The following ERBB4 variants were observed in gnomAD, a reference collection of about 807,000 sequenced individuals.
The protein encoded by ERBB4 is erb-b2 receptor tyrosine kinase 4, also known as receptor tyrosine-protein kinase erbB-4.
Under a neutral mutation model 158.0 loss-of-function variants are expected in ERBB4, and 42 were observed. The observed-to-expected ratio is 0.27, with a 90% confidence interval of 0.21 to 0.34. The LOEUF (loss-of-function observed/expected upper bound fraction) is 0.34. Ranked by LOEUF, ERBB4 falls within the 10% of genes least tolerant of loss-of-function variation. The pLI is 1.00. For missense variants in ERBB4, 1,333 were observed against 1,624.1 expected, an observed-to-expected ratio of 0.82 and a Z score of 3.08; for synonymous variants, 583 against 558.7, an observed-to-expected ratio of 1.04 and a Z score of -0.61.
intron 1 of ERBB4, among the ~76,000 whole-genome samples, chr2:212,395,614 C>CTTT (rs760604732): frequency 1.5e-3 from 125 of 84,722 alleles, no homozygotes; most frequent in East Asian, 3.2e-3. Flanking sequence ...CAGTTACACT[C>CTTT]TTTTTTTTTT....
chr2:211,627,924 C>T (rs957683501), intron 17 of ERBB4, among the ~76,000 whole-genome samples: 1 of 152,150 alleles, frequency 6.6e-6, no homozygotes, highest in African/African-American at 2.4e-5. Context: ...TTTACATACT[C>T]ACAATAACTA....
chr2:212,503,074 C>G (rs144165551), intron 1 of ERBB4, among the ~76,000 whole-genome samples: 8 of 152,276 alleles, frequency 5.3e-5, no homozygotes, highest in African/African-American at 1.9e-4. Flanking sequence ...CCCATTTGGC[C>G]TCAGACTTTC....
chr2:211,391,507 T>G (rs2062798088), intron 25 of ERBB4, among the ~76,000 whole-genome samples: 1 of 152,126 alleles, frequency 6.6e-6, no homozygotes, highest in South Asian at 2.1e-4. Context: ...GGTTAGGAAC[T>G]GGCAGGTGAT....
intron 1 of ERBB4, among the ~76,000 whole-genome samples, chr2:212,526,393 T>C (rs564765312): frequency 6.6e-6 from 1 of 152,194 alleles, no homozygotes; most frequent in Admixed American, 6.5e-5. Flanking sequence ...TTTCAATATA[T>C]CTTGAAGCTT....
intron 1 of ERBB4, among the ~76,000 whole-genome samples, chr2:212,145,554 T>C (rs2080637131): frequency 6.6e-6 from 1 of 152,064 alleles, no homozygotes; most frequent in African/African-American, 2.4e-5. Context: ...ATATTGCTAT[T>C]CAGACTTCCA....
intron 2 of ERBB4, among the ~76,000 whole-genome samples, chr2:211,954,309 C>T (rs1575429827): frequency 6.6e-6 from 1 of 152,038 alleles, no homozygotes; most frequent in African/African-American, 2.4e-5. Context: ...TTACATGTTC[C>T]TAGCTAAGTA....
At chr2:212,535,144 T>C (rs539102950) in intron 1 of ERBB4, among the ~76,000 whole-genome samples, 3 of 152,270 alleles carry the variant, frequency 2.0e-5, no homozygotes. Flanking sequence ...AGAACAGTTA[T>C]AGTATTTCCA....
At chr2:211,939,647 T>C (rs1228121635) in intron 3 of ERBB4, among the ~76,000 whole-genome samples, 1 of 152,106 alleles carries the variant, frequency 6.6e-6, no homozygotes, top group Non-Finnish European at 1.5e-5. Context: ...CTTCATTCCC[T>C]CTAAAATATA....
chr2:212,294,888 G>A (rs2086353147), intron 1 of ERBB4, among the ~76,000 whole-genome samples: 1 of 152,116 alleles, frequency 6.6e-6, no homozygotes, highest in Admixed American at 6.6e-5. Flanking sequence ...AATCTTGGAT[G>A]CATAAATCTC....
intron 1 of ERBB4, among the ~76,000 whole-genome samples, chr2:212,184,943 G>T (rs78105393): frequency 0.023 from 3,420 of 151,736 alleles, 121 homozygotes; most frequent in African/African-American, 0.079. Context: ...CTTCACCCAC[G>T]GTCCTCTGTT....
chr2:211,442,956 T>C (rs2064021674), intron 20 of ERBB4, among the ~76,000 whole-genome samples: 1 of 152,068 alleles, frequency 6.6e-6, no homozygotes, highest in Admixed American at 6.6e-5. Context: ...GGCGTGTTCC[T>C]GTGGAGATGA....
chr2:211,463,062 C>T (rs1410906851), intron 20 of ERBB4, among the ~76,000 whole-genome samples: 1 of 151,986 alleles, frequency 6.6e-6, no homozygotes, highest in African/African-American at 2.4e-5. Context: ...ATTTACCCAC[C>T]CTAAAATTAT....
Position 211,580,855 on chromosome 2 carries a change from G to GATT in ERBB4, c.2302-18768_2302-18767insAAT, listed in dbSNP as rs1559317425. Among the ~76,000 whole-genome samples, 55 of 13,912 alleles carry GATT rather than the reference G, an allele frequency of 4.0e-3. 4 individuals carry two copies. The Admixed American group carries it at 0.11, about 27-fold the overall frequency. The allele number at this position is 13,912 out of a possible 152,430, so 9.1% of individuals were successfully genotyped here. On this transcript the variant is annotated intron_variant, in intron 19 of 27. Transcript: ENST00000342788. ...ATATAGATTATATATTATATATATAGTATGCATATACATATATATATATAT... is the reference window on the plus strand; with the variant it reads ...ATATAGATTATATATTATATATATAGATTTATGCATATACATATATATATATAT...
chr2:211,777,085 G>A (rs999240753), intron 4 of ERBB4: 6 of 152,186 alleles, frequency 3.9e-5, no homozygotes, highest in South Asian at 2.1e-4. Context: ...GTTTGCAGAT[G>A]TAATCGGAAA....
intron 2 of ERBB4, among the ~76,000 whole-genome samples, chr2:212,024,103 C>T (rs562256005): frequency 9.9e-5 from 15 of 151,832 alleles, no homozygotes; most frequent in Non-Finnish European, 1.2e-4. Context: ...GACACAATCT[C>T]GATACCCAGG....
chr2:211,444,823 T>C (rs1170878176), intron 20 of ERBB4, among the ~76,000 whole-genome samples: 1 of 152,040 alleles, frequency 6.6e-6, no homozygotes, highest in Non-Finnish European at 1.5e-5. Context: ...GTGAGATACA[T>C]ACATGGACAC....
intron 16 of ERBB4, among the ~76,000 whole-genome samples, chr2:211,652,726 A>G (rs991179427): frequency 5.3e-5 from 8 of 152,060 alleles, no homozygotes; most frequent in South Asian, 2.1e-4. Context: ...AAACTGAGTC[A>G]AATTACTTTA....
At chr2:211,759,853 C>T (rs993713877) in intron 4 of ERBB4, among the ~76,000 whole-genome samples, 1 of 150,966 alleles carries the variant, frequency 6.6e-6, no homozygotes, top group African/African-American at 2.4e-5. Flanking sequence ...CATTTTAACA[C>T]GATGTAATAC....
At chr2:211,768,665 T>C (rs1183977834) in intron 4 of ERBB4, among the ~76,000 whole-genome samples, 3 of 152,202 alleles carry the variant, frequency 2.0e-5, no homozygotes, top group African/African-American at 7.2e-5. Context: ...GAACTGTATG[T>C]TGGCTCCTTT....
Sources: gnomAD v4.1 joint callset for allele counts (sites outside exome capture counted in the v4.1 genomes callset) on GRCh38, gnomAD v4.1.1 for gene constraint, MANE v1.5 for transcripts, NCBI Gene and HGNC (gene_info 2026-07-23, HGNC 2026-07-21) for gene names.